Variants in TARS1 observed in about 807,000 individuals in gnomAD.
TARS1 encodes the protein threonine--tRNA ligase 1, cytoplasmic.
In TARS1, 57 loss-of-function variants were observed where a neutral mutation model predicts 97.7. That is an observed-to-expected ratio of 0.58 (90% confidence interval 0.47 to 0.73). The LOEUF (loss-of-function observed/expected upper bound fraction) is 0.73, where lower values mean the gene tolerates loss of function less well. TARS1 is among the 30% of genes least tolerant of loss of function. The pLI is 0.00. For missense variants in TARS1, 806 were observed against 888.3 expected (o/e 0.91, Z 1.18); for synonymous variants, 312 against 293.7 (o/e 1.06, Z -0.64).
Position 33,459,618 on chromosome 5 carries a change from CA to C in TARS1, c.1084-76del. 3 of 1,508,188 alleles carry C rather than the reference CA, an allele frequency of 2.0e-6. No homozygotes were observed. The South Asian group carries it at 3.6e-5, about 18-fold the overall frequency. 93.4% of individuals were successfully genotyped at this position (1,508,188 alleles called of 1,614,324 possible). ...TCTTTTTCATGAGAGAGTATAAAAT[CA>C]CTCTTTAAGTTTTTACTCCCACTTG... On this transcript the variant is annotated intron_variant, in intron 10 of 18. Transcript: ENST00000265112.
Position 33,441,153 on chromosome 5 carries a change from C to T in TARS1, c.57+10C>T, listed in dbSNP as rs1741067753. On this transcript the variant is annotated intron_variant, in intron 1 of 18. Transcript: ENST00000265112. ...AGGCGAGGAGAAGCCGGTGAGCAAA[C>T]TTGGTGGGACCCAGAGACCAGCCTG... The T allele has an allele frequency of 6.2e-7, 1 of 1,614,036 alleles. No individual in the cohort carries two copies. Among genetic ancestry groups the T allele is most frequent in the African/African-American group, 1.3e-5 (1 of 74,928 alleles).
At chr5:33,445,265 C>A in intron 1 of TARS1, 59 bp from the exon 2 acceptor site, 2 of 1,261,124 alleles carry the variant, frequency 1.6e-6, no homozygotes, top group Non-Finnish European at 2.3e-6. Flanking sequence ...CTTCCTGGGG[C>A]ATCACAGGAT....
intron 16 of TARS1, among the ~76,000 whole-genome samples, chr5:33,463,187 G>C (rs1742374889): frequency 6.6e-6 from 1 of 152,194 alleles, no homozygotes. Context: ...CCTGATGTTT[G>C]CAGCATCAGA....
At chr5:33,462,952 A>G (rs1388708529) in intron 16 of TARS1, among the ~76,000 whole-genome samples, 2 of 152,242 alleles carry the variant, frequency 1.3e-5, no homozygotes, top group Non-Finnish European at 2.9e-5. Flanking sequence ...CATTCTGATC[A>G]ATGATACAAG....
chr5:33,440,964 C>T, upstream of TARS1: 2 of 1,228,278 alleles, frequency 1.6e-6, no homozygotes, highest in Non-Finnish European at 2.3e-6. Context: ...GGGCGCCTTT[C>T]GATTGCATCA....
chr5:33,447,753 C>T (rs1029801307), intron 2 of TARS1, among the ~76,000 whole-genome samples: 1 of 152,210 alleles, frequency 6.6e-6, no homozygotes, highest in Non-Finnish European at 1.5e-5. Context: ...TAAGCAATCT[C>T]CTCTTCACTT....
At position 33,457,286 on chromosome 5, in the gene TARS1, A is replaced by G; in HGVS notation, c.867A>G (p.Ala289=). The G allele has an allele frequency of 6.2e-7, 1 of 1,614,140 alleles. No individual in the cohort carries two copies. The highest frequency in any genetic ancestry group is 8.5e-7 in the Non-Finnish European group (1 of 1,179,992). ...KNSSTYWEGK[A]DMETLQRIYG... is the part of the protein sequence containing the mutation. ...CCTCCACGTACTGGGAAGGCAAAGC[A>G]GATATGGAGACTCTCCAGAGAATTT... The change falls in exon 9 of 19, where the codon GCA becomes GCG. Residue 289 remains alanine (A), a synonymous_variant. Transcript: ENST00000265112.
intron 10 of TARS1, 142 bp from the exon 11 acceptor site, chr5:33,459,553 A>AT: frequency 1.0e-6 from 1 of 984,824 alleles, no homozygotes; most frequent in South Asian, 1.7e-5. Flanking sequence ...TCTCTGGTAT[A>AT]TACTTAGAAG....
chr5:33,445,856 T>G (rs1741385585), intron 2 of TARS1, among the ~76,000 whole-genome samples: 1 of 152,192 alleles, frequency 6.6e-6, no homozygotes, highest in South Asian at 2.1e-4. Flanking sequence ...GCCCTAGGGT[T>G]GGCTTCTAAG....
At chr5:33,446,334 G>A (rs991699938) in intron 2 of TARS1, 1 of 322,712 alleles carries the variant, frequency 3.1e-6, no homozygotes, top group African/African-American at 2.2e-5. Context: ...CACTGTAATT[G>A]TGAAGAAAAT....
chr5:33,464,690 A>T (rs1742450631), intron 17 of TARS1, among the ~76,000 whole-genome samples: 1 of 152,142 alleles, frequency 6.6e-6, no homozygotes, highest in Admixed American at 6.5e-5. Flanking sequence ...TTGAGGCAGG[A>T]GGATCTTTGA....
chr5:33,464,042 C>T (rs1017250327), intron 17 of TARS1, among the ~76,000 whole-genome samples: 4 of 152,022 alleles, frequency 2.6e-5, no homozygotes, highest in Non-Finnish European at 4.4e-5. Flanking sequence ...GTTTTATGTA[C>T]ACTTGTATAT....
At chr5:33,457,554 A>C in intron 9 of TARS1, 151 bp downstream of exon 9, 1 of 791,122 alleles carries the variant, frequency 1.3e-6, no homozygotes, top group South Asian at 1.9e-5. Context: ...CAAACTATAA[A>C]CACTTACTGA....
At chr5:33,440,788 G>C, upstream of TARS1, 1 of 511,238 alleles carries the variant, frequency 2.0e-6, no homozygotes, top group Non-Finnish European at 3.5e-6. Context: ...TCAGCGGAGA[G>C]TAGGCATGTA....
rs764599744 is a variant in TARS1 at position 33,459,787 on chromosome 5, C to T, written c.1176C>T (p.Tyr392=). The change falls in exon 11 of 19, where the codon TAC becomes TAT. Residue 392 remains tyrosine, a synonymous_variant. Coordinates refer to ENST00000265112, the MANE Select transcript of TARS1 (RefSeq NM_152295.5). ...LWMTSGHWQH[Y]SENMFSFEVE... is the part of the protein sequence containing the mutation. ...TGACCTCGGGCCACTGGCAGCACTA[C>T]AGCGAGAACATGTTCTCCTTTGAGG... 3 of 1,614,198 alleles carry T rather than the reference C, an allele frequency of 1.9e-6. No individual in the cohort carries two copies. The highest frequency in any genetic ancestry group is 2.5e-6 in the Non-Finnish European group (3 of 1,180,032).
intron 1 of TARS1, among the ~76,000 whole-genome samples, chr5:33,443,406 TATC>T (rs1741239083): frequency 6.7e-6 from 1 of 149,500 alleles, no homozygotes; most frequent in Non-Finnish European, 1.5e-5. Flanking sequence ...AAAATAATCT[TATC>T]AGAAATATAA....
At chr5:33,459,904 T>C (rs1470740074) in intron 11 of TARS1, 43 bp downstream of exon 11, 1 of 1,586,764 alleles carries the variant, frequency 6.3e-7, no homozygotes, top group Non-Finnish European at 8.6e-7. Flanking sequence ...TTTCACATGC[T>C]ACAATTCATC....
chr5:33,453,140 T>A, intron 3 of TARS1, 149 bp from the exon 4 acceptor site: 1 of 1,086,854 alleles, frequency 9.2e-7, no homozygotes, highest in Non-Finnish European at 1.2e-6. Context: ...TGGAATTTGT[T>A]GTTTTTATCA....
intron 13 of TARS1, 22 bp downstream of exon 13, chr5:33,461,317 G>A: frequency 1.2e-6 from 2 of 1,605,352 alleles, no homozygotes; most frequent in Non-Finnish European, 1.7e-6. Flanking sequence ...TTTTCAGCGT[G>A]CTTTTGAATA....
Sources: gnomAD v4.1 joint callset for allele counts (sites outside exome capture counted in the v4.1 genomes callset) on GRCh38, gnomAD v4.1.1 for gene constraint, MANE v1.5 for transcripts, NCBI Gene and HGNC (gene_info 2026-07-23, HGNC 2026-07-21) for gene names.